The following SOCS5 variants were observed in gnomAD, a reference collection of about 807,000 sequenced individuals.
The protein encoded by SOCS5 is CIS-6.
In SOCS5, 32 loss-of-function variants were observed where a neutral mutation model predicts 42.8. That is an observed-to-expected ratio of 0.75 (90% CI 0.56 to 1.01). The LOEUF (loss-of-function observed/expected upper bound fraction) is 1.01, where lower values mean the gene tolerates loss of function less well. Among genes scored for constraint, SOCS5 ranks in the 50% least tolerant of loss-of-function variants. The pLI is 0.00. For missense variants in SOCS5, 627 were observed against 653.0 expected (o/e 0.96, Z 0.43); for synonymous variants, 283 against 229.6 (o/e 1.23, Z -2.10).
At chr2:46,723,234 C>G (rs1672920318) in intron 1 of SOCS5, among the ~76,000 whole-genome samples, 1 of 152,040 alleles carries the variant, frequency 6.6e-6, no homozygotes, top group Admixed American at 6.6e-5. Context: ...CTTTGCTTCA[C>G]TCCATGTCCC....
At position 46,716,107 on chromosome 2, in the gene SOCS5, C is replaced by T. The variant is rs1354075586; in HGVS notation, c.-13+16658C>T. Among the ~76,000 whole-genome samples the T allele has an allele frequency of 7.4e-5, 8 of 108,398 alleles. No individual in the cohort carries two copies. In the East Asian group the frequency reaches 1.0e-3, roughly 14 times the overall value. 71.1% of individuals were successfully genotyped at this position (108,398 alleles called of 152,430 possible). ...CAGTCAATTTTTCATGTCAGACACCCCCCCTTTTTTTTTTTTTTAGTTCTA... is the reference window on the plus strand; with the variant it reads ...CAGTCAATTTTTCATGTCAGACACCTCCCCTTTTTTTTTTTTTTAGTTCTA... On this transcript the variant is annotated intron_variant, in intron 1 of 1. Coordinates refer to ENST00000394861, the MANE Select transcript of SOCS5 (RefSeq NM_144949.3).
At chr2:46,735,416 C>T (rs1673221499) in intron 1 of SOCS5, among the ~76,000 whole-genome samples, 1 of 152,098 alleles carries the variant, frequency 6.6e-6, no homozygotes. Context: ...AGAACTTAGT[C>T]CATGGCCACA....
Position 46,758,574 on chromosome 2 carries a change from G to A in SOCS5, c.44G>A (p.Cys15Tyr). 3 of 1,610,234 alleles carry A rather than the reference G, an allele frequency of 1.9e-6. No homozygotes were observed. Among genetic ancestry groups the A allele is most frequent in the South Asian group, 1.1e-5 (1 of 89,992 alleles). Reference protein sequence around the residue: ...GKMWNNFKYRCQNLFGHEGGS... With the variant: ...GKMWNNFKYRYQNLFGHEGGS... ...ATGTGGAATAACTTCAAATACAGGTGTCAGAATCTCTTCGGTCATGAGGGA... is the reference window on the plus strand; with the variant it reads ...ATGTGGAATAACTTCAAATACAGGTATCAGAATCTCTTCGGTCATGAGGGA... The change falls in exon 2 of 2, where the codon TGT becomes TAT. Residue 15 changes from cysteine to tyrosine, a missense_variant. By Grantham distance (194) the Cys-to-Tyr change is radical (BLOSUM62 -2). This residue lies in a region of SOCS5 where 278 missense variants were observed against 246.3 expected (regional missense o/e 1.13). Coordinates refer to ENST00000394861, the MANE Select transcript of SOCS5 (RefSeq NM_144949.3).
intron 1 of SOCS5, among the ~76,000 whole-genome samples, chr2:46,725,381 A>G (rs1672969064): frequency 6.6e-6 from 1 of 151,928 alleles, no homozygotes; most frequent in African/African-American, 2.4e-5. Context: ...ATACGTTTAG[A>G]TTTGGCTCTG....
intron 1 of SOCS5, among the ~76,000 whole-genome samples, chr2:46,705,418 T>A (rs1477999854): frequency 6.6e-6 from 1 of 152,210 alleles, no homozygotes; most frequent in East Asian, 1.9e-4. Flanking sequence ...AATTGATTGC[T>A]TGCTTTTCGG....
intron 1 of SOCS5, among the ~76,000 whole-genome samples, chr2:46,716,831 G>A (rs1672756460): frequency 6.6e-6 from 1 of 152,110 alleles, no homozygotes; most frequent in Non-Finnish European, 1.5e-5. Flanking sequence ...TTTTGTTTGG[G>A]GAATTTTTGT....
At chr2:46,706,952 T>A (rs1380399052) in intron 1 of SOCS5, among the ~76,000 whole-genome samples, 1 of 152,134 alleles carries the variant, frequency 6.6e-6, no homozygotes, top group Non-Finnish European at 1.5e-5. Flanking sequence ...CAGAGTGAGA[T>A]TATAAGGATC....
At chr2:46,758,483 T>C (rs764715846) in intron 1 of SOCS5, 36 bp from the exon 2 acceptor site, 17 of 1,429,322 alleles carry the variant, frequency 1.2e-5, no homozygotes, top group Non-Finnish European at 1.5e-5. Context: ...CTACTTTGAT[T>C]AATTTATTTT....
intron 1 of SOCS5, among the ~76,000 whole-genome samples, chr2:46,737,856 T>TA (rs397872452): frequency 0.03 from 4,303 of 141,468 alleles, 115 homozygotes; most frequent in African/African-American, 0.078. Flanking sequence ...CTGTCCTTTC[T>TA]AAAAAAAAAA....
At position 46,710,289 on chromosome 2, in the gene SOCS5, G is replaced by C. The variant is rs1324320702; in HGVS notation, c.-13+10840G>C. On this transcript the variant is annotated intron_variant, in intron 1 of 1. Coordinates refer to ENST00000394861, the MANE Select transcript of SOCS5 (RefSeq NM_144949.3). ...AGCCTCCTGAGTAACTGGGATTACA[G>C]GTGTGTGCCACCACTCCCAGCTAAT... 2.6e-5 allele frequency among the ~76,000 whole-genome samples: 4 copies of C among 152,246 alleles called. No homozygotes were observed. The East Asian group carries it at 7.7e-4, about 29-fold the overall frequency.
intron 1 of SOCS5, among the ~76,000 whole-genome samples, chr2:46,740,581 G>A (rs1232242021): frequency 3.3e-5 from 5 of 152,172 alleles, no homozygotes; most frequent in African/African-American, 1.2e-4. Context: ...CAAAAGGTAT[G>A]AGAAAGTGGC....
At chr2:46,730,586 T>C (rs1673094119) in intron 1 of SOCS5, among the ~76,000 whole-genome samples, 1 of 152,066 alleles carries the variant, frequency 6.6e-6, no homozygotes. Flanking sequence ...GGCGACAGAG[T>C]GAGACTCTGT....
chr2:46,726,440 C>G (rs1016499574), intron 1 of SOCS5, among the ~76,000 whole-genome samples: 1 of 152,130 alleles, frequency 6.6e-6, no homozygotes, highest in Non-Finnish European at 1.5e-5. Context: ...CTTCTAGAAT[C>G]TGATATACAC....
At position 46,759,006 on chromosome 2, in the gene SOCS5, G is replaced by A; in HGVS notation, c.476G>A (p.Ser159Asn). ...LQRRERRYGV[S>N]SVHDMDSVSS... Reference sequence around the variant, plus strand: ...AGGAGAGAGAGGCGCTACGGCGTAAGTTCTGTACACGACATGGACAGTGTT... The same window carrying A: ...AGGAGAGAGAGGCGCTACGGCGTAAATTCTGTACACGACATGGACAGTGTT... The change falls in exon 2 of 2, where the codon AGT (serine) becomes AAT (asparagine). Residue 159 changes from serine to asparagine, a missense_variant. This residue lies in a region of SOCS5 where 278 missense variants were observed against 246.3 expected (regional missense o/e 1.13). Transcript: ENST00000394861. 1.9e-6 allele frequency: 3 copies of A among 1,614,004 alleles called. No individual in the cohort carries two copies. The highest frequency in any genetic ancestry group is 1.7e-6 in the Non-Finnish European group (2 of 1,179,856).
intron 1 of SOCS5, among the ~76,000 whole-genome samples, chr2:46,735,045 G>T (rs548854220): frequency 6.6e-6 from 1 of 152,286 alleles, no homozygotes; most frequent in East Asian, 1.9e-4. Flanking sequence ...CCTAGCTCAT[G>T]ATCACCTTTT....
intron 1 of SOCS5, among the ~76,000 whole-genome samples, chr2:46,714,180 C>G (rs926127867): frequency 3.3e-5 from 5 of 152,166 alleles, no homozygotes; most frequent in Non-Finnish European, 7.3e-5. Context: ...CTTCTTATAT[C>G]TTACATCTTT....
intron 1 of SOCS5, among the ~76,000 whole-genome samples, chr2:46,701,013 T>C (rs1672331291): frequency 6.6e-6 from 1 of 152,238 alleles, no homozygotes; most frequent in South Asian, 2.1e-4. Context: ...GTTAATATTT[T>C]CAGTTGGCAC....
intron 1 of SOCS5, among the ~76,000 whole-genome samples, chr2:46,737,856 TAA>T (rs397872452): frequency 7.1e-6 from 1 of 141,816 alleles, no homozygotes; most frequent in Non-Finnish European, 1.6e-5. Flanking sequence ...CTGTCCTTTC[TAA>T]AAAAAAAAAA....
intron 1 of SOCS5, among the ~76,000 whole-genome samples, chr2:46,752,168 CTTT>C (rs573235689): frequency 8.6e-5 from 12 of 140,190 alleles, no homozygotes; most frequent in African/African-American, 3.1e-4. Context: ...GTGTTTTGTT[CTTT>C]TTTTTTTTTT....
Sources: allele counts gnomAD v4.1 joint callset (sites outside exome capture counted in the v4.1 genomes callset), GRCh38; gene constraint gnomAD v4.1.1; regional missense constraint gnomAD v4.1.1; transcripts MANE v1.5; gene names NCBI Gene and HGNC (gene_info 2026-07-23, HGNC 2026-07-21).